Variants in DPP10 observed in about 807,000 individuals in gnomAD.
The protein encoded by DPP10 is dipeptidyl peptidase like 10.
In DPP10, 33 loss-of-function variants were observed where a neutral mutation model predicts 120.9. That is an observed-to-expected ratio of 0.27 (90% CI 0.21 to 0.37). DPP10 has a LOEUF of 0.37. DPP10 is among the 10% of genes least tolerant of loss of function. DPP10 has a pLI of 1.00. For missense variants in DPP10, 816 were observed against 942.8 expected, an observed-to-expected ratio of 0.87 and a Z score of 1.76; for synonymous variants, 337 against 326.1, an observed-to-expected ratio of 1.03 and a Z score of -0.36.
At chr2:115,755,720 A>G (rs915232988) in intron 11 of DPP10, among the ~76,000 whole-genome samples, 12 of 151,996 alleles carry the variant, frequency 7.9e-5, no homozygotes, top group Non-Finnish European at 1.5e-5. Context: ...TATAATTAAC[A>G]TATGTTACTA....
intron 1 of DPP10, among the ~76,000 whole-genome samples, chr2:115,215,750 C>G (rs957798772): frequency 3.6e-4 from 54 of 152,104 alleles, no homozygotes; most frequent in Non-Finnish European, 1.0e-4. Flanking sequence ...CCAGCAATCC[C>G]ATTACTGGGT....
chr2:114,511,229 T>C (rs1684122410), intron 1 of DPP10, among the ~76,000 whole-genome samples: 1 of 152,256 alleles, frequency 6.6e-6, no homozygotes, highest in Non-Finnish European at 1.5e-5. Flanking sequence ...AATATATTAG[T>C]TGATAGCTTT....
intron 8 of DPP10, among the ~76,000 whole-genome samples, chr2:115,737,589 G>A (rs913054604): frequency 6.6e-6 from 1 of 152,062 alleles, no homozygotes; most frequent in African/African-American, 2.4e-5. Flanking sequence ...TGGATCTGCT[G>A]GAGTCACAAG....
At chr2:115,235,571 G>C (rs979546808) in intron 1 of DPP10, among the ~76,000 whole-genome samples, 1 of 151,858 alleles carries the variant, frequency 6.6e-6, no homozygotes, top group Non-Finnish European at 1.5e-5. Flanking sequence ...GGTGGGGGTG[G>C]TGGGTGTGGA....
intron 1 of DPP10, among the ~76,000 whole-genome samples, chr2:114,720,135 C>T (rs1382173966): frequency 6.6e-6 from 1 of 152,046 alleles, no homozygotes; most frequent in African/African-American, 2.4e-5. Context: ...TCATTCAGTG[C>T]TTTAGGAGAG....
chr2:114,823,914 A>C (rs1574273608), intron 1 of DPP10, among the ~76,000 whole-genome samples: 1 of 152,302 alleles, frequency 6.6e-6, no homozygotes, highest in African/African-American at 2.4e-5. Context: ...TAAGGGTTTC[A>C]CTCAGAGCAG....
At chr2:114,622,720 A>T (rs1467870725) in intron 1 of DPP10, among the ~76,000 whole-genome samples, 1 of 152,090 alleles carries the variant, frequency 6.6e-6, no homozygotes, top group Non-Finnish European at 1.5e-5. Context: ...TAAGGATCTC[A>T]ACTCTGAAAA....
At chr2:115,507,936 A>G (rs1351168439) in intron 4 of DPP10, among the ~76,000 whole-genome samples, 1 of 152,116 alleles carries the variant, frequency 6.6e-6, no homozygotes, top group East Asian at 1.9e-4. Flanking sequence ...CTTGGAGATA[A>G]AATGGGTAGG....
intron 1 of DPP10, among the ~76,000 whole-genome samples, chr2:114,906,861 G>C (rs888730471): frequency 6.6e-6 from 1 of 152,064 alleles, no homozygotes; most frequent in Non-Finnish European, 1.5e-5. Context: ...CATAGAAGGA[G>C]GTTGGATATA....
At chr2:115,218,430 G>A (rs544546330) in intron 1 of DPP10, among the ~76,000 whole-genome samples, 1 of 152,118 alleles carries the variant, frequency 6.6e-6, no homozygotes, top group Admixed American at 6.5e-5. Context: ...TCCTACTTCT[G>A]TGTTGGTTTC....
intron 1 of DPP10, among the ~76,000 whole-genome samples, chr2:114,571,897 A>G (rs1689680976): frequency 6.7e-6 from 1 of 148,474 alleles, no homozygotes; most frequent in Admixed American, 6.8e-5. Flanking sequence ...ATAATACAAT[A>G]TTTATACTAT....
At chr2:114,450,694 C>T (rs1026413550) in intron 1 of DPP10, among the ~76,000 whole-genome samples, 1 of 149,718 alleles carries the variant, frequency 6.7e-6, no homozygotes, top group Non-Finnish European at 1.5e-5. Flanking sequence ...GAACAATGTG[C>T]TATTTCTCTT....
chr2:114,894,277 A>T (rs551741689), intron 1 of DPP10, among the ~76,000 whole-genome samples: 1 of 152,336 alleles, frequency 6.6e-6, no homozygotes, highest in African/African-American at 2.4e-5. Flanking sequence ...TCAGACTACA[A>T]GGTGCATTCG....
chr2:115,607,427 C>T (rs2083772801), intron 5 of DPP10, among the ~76,000 whole-genome samples: 1 of 152,104 alleles, frequency 6.6e-6, no homozygotes, highest in Non-Finnish European at 1.5e-5. Flanking sequence ...TACTTAACAA[C>T]TGTTTATGTA....
At chr2:114,461,745 G>T in intron 1 of DPP10, 2 of 985,410 alleles carry the variant, frequency 2.0e-6, no homozygotes, top group Non-Finnish European at 2.4e-6. Context: ...TAATTAAACA[G>T]TCTGGGGCTC....
chr2:115,224,466 A>C (rs2057335320), intron 1 of DPP10, among the ~76,000 whole-genome samples: 1 of 152,104 alleles, frequency 6.6e-6, no homozygotes, highest in African/African-American at 2.4e-5. Flanking sequence ...TCCTCATATA[A>C]GCGAGATATT....
intron 1 of DPP10, among the ~76,000 whole-genome samples, chr2:114,648,697 G>A (rs12991403): frequency 0.079 from 11,970 of 152,206 alleles, 509 homozygotes; most frequent in East Asian, 0.13. Context: ...TGATCAATAG[G>A]TAGGTATAAG....
chr2:115,204,112 A>T (rs371268800), intron 1 of DPP10, among the ~76,000 whole-genome samples: 151 of 60,832 alleles, frequency 2.5e-3, no homozygotes, highest in African/African-American at 9.2e-3. Flanking sequence ...GAAGAAATAG[A>T]AATTTTACTA....
intron 1 of DPP10, among the ~76,000 whole-genome samples, chr2:114,615,549 A>T (rs938757842): frequency 6.6e-6 from 1 of 152,136 alleles, no homozygotes; most frequent in Non-Finnish European, 1.5e-5. Context: ...CCTGTGTATG[A>T]AAACAGCAGT....
Sources: allele counts gnomAD v4.1 joint callset (sites outside exome capture counted in the v4.1 genomes callset), GRCh38; gene constraint gnomAD v4.1.1; transcripts MANE v1.5; gene names NCBI Gene and HGNC (gene_info 2026-07-23, HGNC 2026-07-21).